MED20: variants seen among roughly 807,000 people sequenced by gnomAD.
MED20 encodes mediator complex subunit 20, also known as mediator of RNA polymerase II transcription subunit 20.
In MED20, 19 loss-of-function variants were observed where a neutral mutation model predicts 19.7. The ratio of observed to expected loss-of-function variants is 0.96; its 90% CI spans 0.67 to 1.42. The LOEUF is 1.42. Ranked by LOEUF, MED20 falls within the 40% of genes most tolerant of loss-of-function variation. The pLI is 0.00. For missense variants in MED20, 225 were observed against 273.0 expected (o/e 0.82, Z 1.24); for synonymous variants, 105 against 104.8 (o/e 1.00, Z -0.01).
At chr6:41,909,551 T>G (rs1226908994) in intron 2 of MED20, 29 bp from the exon 3 acceptor site, 10 of 1,606,524 alleles carry the variant, frequency 6.2e-6, no homozygotes, top group Non-Finnish European at 8.5e-6. Context: ...CTATTCATCA[T>G]CAAGACTTTC....
At chr6:41,908,944 G>T (rs1775120087) in intron 3 of MED20, 2 of 377,652 alleles carry the variant, frequency 5.3e-6, no homozygotes, top group East Asian at 7.9e-5. Flanking sequence ...GCACTTTGGG[G>T]GGCTGAGATG....
chr6:41,907,764 G>A (rs550322747), intron 3 of MED20, among the ~76,000 whole-genome samples: 1 of 152,116 alleles, frequency 6.6e-6, no homozygotes, highest in African/African-American at 2.4e-5. Context: ...CTGACCCTAA[G>A]AAAGAATTTC....
At chr6:41,920,855 G>A in intron 1 of MED20, 150 bp downstream of exon 1, 2 of 959,770 alleles carry the variant, frequency 2.1e-6, no homozygotes, top group South Asian at 2.4e-5. Context: ...AACAAGCCCG[G>A]GGAACCCGCA....
Position 41,906,722 on chromosome 6 carries a change from G to A in MED20, c.*350C>T, listed in dbSNP as rs188665161. 7.8e-5 allele frequency: 19 copies of A among 244,014 alleles called. No individual in the cohort carries two copies. The East Asian group carries it at 1.0e-3, about 13-fold the overall frequency. 15.1% of individuals were successfully genotyped at this position (244,014 alleles called of 1,614,324 possible). A position where few individuals can be genotyped will look rare whatever the true frequency, so the allele number is the denominator to read the frequency against. On this transcript the variant is annotated 3_prime_UTR_variant, in exon 4 of 4. Coordinates refer to ENST00000265350, the MANE Select transcript of MED20 (RefSeq NM_004275.5). ...GGCCTGGGACAAATCCTTAATAGTT[G>A]GGGATACGGACTATTTCCCCCACCA... is the stretch of plus-strand genomic sequence containing the variant.
chr6:41,906,879 G>C lies in MED20; in HGVS notation c.*193C>G, dbSNP rs945227163. 1.7e-6 allele frequency: 1 copy of C among 587,320 alleles called. No homozygotes were observed. Among genetic ancestry groups the C allele is most frequent in the Non-Finnish European group, 3.0e-6 (1 of 330,006 alleles). The allele number at this position is 587,320 out of a possible 1,614,324, so 36.4% of individuals were successfully genotyped here. ...AGGCACGGAGTAAAACAGCTGATGG[G>C]GGGCTATGTGTGAGAGTCAGGGGGT... On this transcript the variant is annotated 3_prime_UTR_variant, in exon 4 of 4. Coordinates refer to ENST00000265350, the MANE Select transcript of MED20 (RefSeq NM_004275.5).
chr6:41,920,956 G>A, intron 1 of MED20, 49 bp downstream of exon 1: 1 of 1,594,184 alleles, frequency 6.3e-7, no homozygotes, highest in Non-Finnish European at 8.6e-7. Flanking sequence ...CCTCTTTCCG[G>A]CCTTTCACAA....
At chr6:41,909,215 T>G in intron 3 of MED20, 54 bp downstream of exon 3, 1 of 1,565,418 alleles carries the variant, frequency 6.4e-7, no homozygotes, top group Non-Finnish European at 8.6e-7. Flanking sequence ...TTCAGAGCCC[T>G]TTGCTAAGCA....
intron 3 of MED20, among the ~76,000 whole-genome samples, chr6:41,907,705 GT>G (rs534582712): frequency 1.1e-3 from 160 of 152,228 alleles, no homozygotes; most frequent in African/African-American, 3.7e-3. Context: ...ATGCTCATGA[GT>G]TTTTTTCAAG....
chr6:41,917,977 A>T (rs781701676), intron 1 of MED20: 2 of 279,654 alleles, frequency 7.2e-6, no homozygotes, highest in Non-Finnish European at 7.9e-6. Context: ...GAGAGGCAAC[A>T]GTATTCACGA....
chr6:41,907,312 G>T, intron 3 of MED20, 25 bp from the exon 4 acceptor site: 4 of 1,585,744 alleles, frequency 2.5e-6, no homozygotes, highest in Non-Finnish European at 3.4e-6. Context: ...CACAGAGAAT[G>T]AGGGTGAATG....
intron 1 of MED20, chr6:41,918,011 A>G (rs1349239892): frequency 7.3e-6 from 2 of 274,180 alleles, no homozygotes; most frequent in Non-Finnish European, 1.6e-5. Flanking sequence ...AGAATGGAAC[A>G]AAACAAAAAA....
chr6:41,909,540 C>A lies in MED20; in HGVS notation c.170-18G>T. The A allele has an allele frequency of 6.2e-7, 1 of 1,609,728 alleles. No homozygotes were observed. Among genetic ancestry groups the A allele is most frequent in the Non-Finnish European group, 8.5e-7 (1 of 1,176,480 alleles). On this transcript the variant is annotated intron_variant, in intron 2 of 3. Coordinates refer to ENST00000265350, the MANE Select transcript of MED20 (RefSeq NM_004275.5). ...GGTCTGACCTGCAAGGGACAGAGAT[C>A]CTATTCATCATCAAGACTTTCACTG...
chr6:41,914,818 T>C (rs1462845584), intron 2 of MED20, among the ~76,000 whole-genome samples: 3 of 152,102 alleles, frequency 2.0e-5, no homozygotes, highest in Non-Finnish European at 4.4e-5. Context: ...AATTGATTTA[T>C]GCTAATGAGG....
intron 2 of MED20, 52 bp downstream of exon 2, chr6:41,916,733 T>C (rs1433281413): frequency 1.9e-6 from 3 of 1,593,624 alleles, no homozygotes; most frequent in Non-Finnish European, 2.6e-6. Flanking sequence ...AACTCAAATG[T>C]CTCTTAACTC....
intron 2 of MED20, among the ~76,000 whole-genome samples, chr6:41,914,623 T>TCTC (rs35642761): frequency 0.25 from 37,350 of 150,694 alleles, 4,746 homozygotes; most frequent in Middle Eastern, 0.31. Context: ...ATCCAAAGAG[T>TCTC]CTCTCTCATT....
rs1294363747 is a variant in MED20 at position 41,909,539 on chromosome 6, T to G, written c.170-17A>C. 12 of 1,609,818 alleles carry G rather than the reference T, an allele frequency of 7.5e-6. No homozygotes were observed. The highest frequency in any genetic ancestry group is 1.0e-5 in the Non-Finnish European group (12 of 1,176,584). The stretch of plus-strand genomic sequence containing the variant: ...CGGTCTGACCTGCAAGGGACAGAGA[T>G]CCTATTCATCATCAAGACTTTCACT... On this transcript the variant is annotated splice_polypyrimidine_tract_variant and intron_variant, in intron 2 of 3. Transcript: ENST00000265350.
chr6:41,919,731 A>T (rs571255256), intron 1 of MED20, among the ~76,000 whole-genome samples: 1 of 152,276 alleles, frequency 6.6e-6, no homozygotes, highest in Admixed American at 6.5e-5. Context: ...GGAATTCAAG[A>T]CCTGCATGTA....
intron 2 of MED20, among the ~76,000 whole-genome samples, chr6:41,915,548 G>A (rs946742464): frequency 2.6e-5 from 4 of 152,102 alleles, no homozygotes; most frequent in Admixed American, 6.5e-5. Flanking sequence ...AGCACTTCGG[G>A]AGGCCGAGGC....
At chr6:41,914,306 G>A (rs1343678696) in intron 2 of MED20, among the ~76,000 whole-genome samples, 1 of 152,180 alleles carries the variant, frequency 6.6e-6, no homozygotes, top group African/African-American at 2.4e-5. Flanking sequence ...GAACACTGTG[G>A]GCTTCCTTTC....
Sources: gnomAD v4.1 joint callset for allele counts (sites outside exome capture counted in the v4.1 genomes callset) on GRCh38, gnomAD v4.1.1 for gene constraint, MANE v1.5 for transcripts, NCBI Gene and HGNC (gene_info 2026-07-23, HGNC 2026-07-21) for gene names.